DPP10: variants seen among roughly 807,000 people sequenced by gnomAD.
DPP10 encodes inactive dipeptidyl peptidase 10.
In DPP10, 33 loss-of-function variants were observed where a neutral mutation model predicts 120.9. The ratio of observed to expected loss-of-function variants is 0.27; its 90% CI spans 0.21 to 0.37. The LOEUF is 0.37. Ranked by LOEUF, DPP10 falls within the 10% of genes least tolerant of loss-of-function variation. DPP10 has a pLI of 1.00. For synonymous variants in DPP10, 337 were observed against 326.1 expected, an observed-to-expected ratio of 1.03 and a Z score of -0.36; for missense variants, 816 against 942.8, an observed-to-expected ratio of 0.87 and a Z score of 1.76.
intron 1 of DPP10, among the ~76,000 whole-genome samples, chr2:114,719,771 G>T (rs1701587004): frequency 6.6e-6 from 1 of 152,170 alleles, no homozygotes; most frequent in Admixed American, 6.5e-5. Flanking sequence ...ACCACACAAT[G>T]GGGTATAAAT....
chr2:114,442,676 C>G lies in DPP10; in HGVS notation c.-103C>G, dbSNP rs1677721675. The G allele has an allele frequency of 2.3e-6, 3 of 1,318,260 alleles. No individual in the cohort carries two copies. The highest frequency in any genetic ancestry group is 1.1e-6 in the Non-Finnish European group (1 of 932,342). 81.7% of individuals were successfully genotyped at this position (1,318,260 alleles called of 1,614,324 possible). ...GAAGCAACAGCAGTAGCAGCGGCAG[C>G]AGCAACAGCAGCAGCCCCTACTGAA... On this transcript the variant is annotated 5_prime_UTR_variant, in exon 1 of 26. Transcript: ENST00000410059.
intron 3 of DPP10, among the ~76,000 whole-genome samples, chr2:115,442,127 T>C (rs539220117): frequency 6.6e-6 from 1 of 152,010 alleles, no homozygotes; most frequent in African/African-American, 2.4e-5. Context: ...GTTTTTTTTT[T>C]AAATTTGTTG....
chr2:115,105,403 G>A (rs1351971204), intron 1 of DPP10, among the ~76,000 whole-genome samples: 1 of 149,156 alleles, frequency 6.7e-6, no homozygotes, highest in African/African-American at 2.5e-5. Flanking sequence ...GGAAAAAGGG[G>A]AGCAGATGTG....
At chr2:114,648,288 T>C (rs74419649) in intron 1 of DPP10, among the ~76,000 whole-genome samples, 16,620 of 152,252 alleles carry the variant, frequency 0.11, 1,339 homozygotes, top group Admixed American at 0.24. Flanking sequence ...TCATGTCTTC[T>C]GAGATCATCT....
At chr2:115,776,506 G>C (rs893622315) in intron 13 of DPP10, among the ~76,000 whole-genome samples, 1 of 151,952 alleles carries the variant, frequency 6.6e-6, no homozygotes, top group African/African-American at 2.4e-5. Context: ...TCTTTATCCA[G>C]TCTATCATTG....
At chr2:115,349,108 T>C (rs573375847) in intron 3 of DPP10, among the ~76,000 whole-genome samples, 19 of 152,264 alleles carry the variant, frequency 1.2e-4, no homozygotes, top group Non-Finnish European at 2.4e-4. Flanking sequence ...TAGAAGTTGT[T>C]TCACATTTCT....
intron 1 of DPP10, among the ~76,000 whole-genome samples, chr2:115,011,573 G>T (rs1404031674): frequency 1.3e-5 from 2 of 151,992 alleles, no homozygotes; most frequent in Non-Finnish European, 2.9e-5. Flanking sequence ...TTTTGTTGTT[G>T]TTGTTGTTTA....
At chr2:115,748,229 GT>G (rs11284953) in intron 10 of DPP10, among the ~76,000 whole-genome samples, 81,405 of 145,876 alleles carry the variant, frequency 0.56, 23,932 homozygotes, top group East Asian at 0.73. Context: ...ATGTTTATGG[GT>G]TTTTTTTTTT....
chr2:115,421,100 C>A (rs1452600960), intron 3 of DPP10, among the ~76,000 whole-genome samples: 1 of 148,716 alleles, frequency 6.7e-6, no homozygotes. Flanking sequence ...TTTTTTTTTA[C>A]TTCTCTTTTT....
chr2:115,639,529 T>G (rs1480116400), intron 5 of DPP10, among the ~76,000 whole-genome samples: 1 of 152,090 alleles, frequency 6.6e-6, no homozygotes, highest in Non-Finnish European at 1.5e-5. Context: ...TATGGGAGGC[T>G]GAGGGTCAGA....
chr2:114,646,180 A>AAATAAATT (rs1469307943), intron 1 of DPP10, among the ~76,000 whole-genome samples: 2 of 150,946 alleles, frequency 1.3e-5, no homozygotes, highest in East Asian at 3.9e-4. Context: ...ATAAATAAAT[A>AAATAAATT]AATAAATAAA....
At chr2:115,275,204 A>C (rs2059862387) in intron 1 of DPP10, among the ~76,000 whole-genome samples, 1 of 152,216 alleles carries the variant, frequency 6.6e-6, no homozygotes, top group Non-Finnish European at 1.5e-5. Flanking sequence ...GAAGACGTGA[A>C]ATTGCTTTGT....
At chr2:115,362,285 G>A (rs1228923267) in intron 3 of DPP10, among the ~76,000 whole-genome samples, 2 of 151,994 alleles carry the variant, frequency 1.3e-5, no homozygotes, top group African/African-American at 4.8e-5. Context: ...TTTGTAAGTG[G>A]GGCAACTAAG....
chr2:114,505,303 C>CT (rs1481210489), intron 1 of DPP10, among the ~76,000 whole-genome samples: 1 of 151,932 alleles, frequency 6.6e-6, no homozygotes, highest in African/African-American at 2.4e-5. Context: ...AGGGAAGTAA[C>CT]TAACAGATAT....
intron 3 of DPP10, among the ~76,000 whole-genome samples, chr2:115,399,948 G>A (rs2067947751): frequency 6.6e-6 from 1 of 152,132 alleles, no homozygotes; most frequent in Admixed American, 6.6e-5. Context: ...AAGCATAGCA[G>A]CTTCTGCTTC....
At position 115,591,512 on chromosome 2, in the gene DPP10, A is replaced by G. The variant is rs192624790; in HGVS notation, c.441+65540A>G. Among the ~76,000 whole-genome samples the G allele has an allele frequency of 5.3e-5, 8 of 152,236 alleles. No homozygotes were observed. The East Asian group carries it at 1.4e-3, about 26-fold the overall frequency. On this transcript the variant is annotated intron_variant, in intron 5 of 25. Transcript: ENST00000410059. ...AGACTCTGTTCTGTTGCATTGGTCT[A>G]TATCTCTGTTTTGGTACCAGTACCG...
At chr2:114,917,927 C>T (rs947672021) in intron 1 of DPP10, among the ~76,000 whole-genome samples, 1 of 152,070 alleles carries the variant, frequency 6.6e-6, no homozygotes, top group Admixed American at 6.5e-5. Context: ...GACCCCAAAG[C>T]AATGGCAACA....
intron 10 of DPP10, among the ~76,000 whole-genome samples, chr2:115,747,895 G>A (rs1013988752): frequency 5.3e-5 from 8 of 152,100 alleles, no homozygotes; most frequent in Non-Finnish European, 1.0e-4. Context: ...GGCTGGCCCC[G>A]CTTGTCTTGA....
chr2:115,163,418 A>G (rs2104988910), intron 1 of DPP10, among the ~76,000 whole-genome samples: 1 of 152,184 alleles, frequency 6.6e-6, no homozygotes. Context: ...CTTCTCGTTT[A>G]TTAGTGGGAG....
Sources: allele counts gnomAD v4.1 joint callset (sites outside exome capture counted in the v4.1 genomes callset), GRCh38; gene constraint gnomAD v4.1.1; transcripts MANE v1.5; gene names NCBI Gene and HGNC (gene_info 2026-07-23, HGNC 2026-07-21).